SMOC2: variants seen among roughly 807,000 people sequenced by gnomAD.
The protein encoded by SMOC2 is SPARC related modular calcium binding 2.
SMOC2 carries 39 observed loss-of-function variants against 61.4 expected under a neutral mutation model. The ratio of observed to expected loss-of-function variants is 0.64; its 90% CI spans 0.49 to 0.83. The LOEUF (loss-of-function observed/expected upper bound fraction) is 0.83, where lower values mean the gene tolerates loss of function less well. Ranked by LOEUF, SMOC2 falls within the 40% of genes least tolerant of loss-of-function variation. The pLI, the probability that SMOC2 is intolerant of heterozygous loss-of-function variation, is 0.00. For missense variants in SMOC2, 556 were observed against 592.9 expected (o/e 0.94, Z 0.65); for synonymous variants, 247 against 239.9 (o/e 1.03, Z -0.27).
intron 4 of SMOC2, among the ~76,000 whole-genome samples, chr6:168,530,073 G>A (rs1783553081): frequency 6.6e-6 from 1 of 152,138 alleles, no homozygotes; most frequent in African/African-American, 2.4e-5. Flanking sequence ...TTAATACCGA[G>A]GTTACCATAG....
At position 168,650,712 on chromosome 6, in the gene SMOC2, G is replaced by A; in HGVS notation, c.939G>A (p.Leu313=). ...CGGGTGCCAAAAAGCATGAGTTTCT[G>A]ACCAGCGTTCTGGACGCGCTGTCCA... ...GCPGAKKHEF[L]TSVLDALSTD... Residue 313 remains leucine (L), a synonymous_variant, in exon 10 of 13, where the codon CTG becomes CTA. Transcript: ENST00000356284. 6.2e-7 allele frequency: 1 copy of A among 1,613,798 alleles called. No homozygotes were observed. Among genetic ancestry groups the A allele is most frequent in the Non-Finnish European group, 8.5e-7 (1 of 1,179,974 alleles).
intron 1 of SMOC2, among the ~76,000 whole-genome samples, chr6:168,450,643 G>A (rs1301569036): frequency 4.6e-5 from 7 of 152,116 alleles, no homozygotes; most frequent in African/African-American, 1.7e-4. Flanking sequence ...GCTTCCCCAG[G>A]ATGTAAAAGA....
At position 168,453,618 on chromosome 6, in the gene SMOC2, GTC is replaced by G. The variant is rs1471232599; in HGVS notation, c.84+12168_84+12169del. Among the ~76,000 whole-genome samples the G allele has an allele frequency of 2.0e-5, 3 of 150,444 alleles. No homozygotes were observed. Among genetic ancestry groups the G allele is most frequent in the Non-Finnish European group, 3.0e-5 (2 of 67,648 alleles). On this transcript the variant is annotated intron_variant, in intron 1 of 12. Transcript: ENST00000356284. The surrounding 1 kb of genome is among the most constrained non-coding windows in gnomAD (Gnocchi z 4.4). The stretch of plus-strand genomic sequence containing the variant: ...TTTCTGTCTGTCTCTGTTTCTTCCT[GTC>G]TCTGTCTCTTTGTCTCTCTCTGTCT...
intron 4 of SMOC2, among the ~76,000 whole-genome samples, chr6:168,542,837 G>C (rs1270040972): frequency 6.6e-6 from 1 of 151,768 alleles, no homozygotes. Flanking sequence ...CTGTATTTCT[G>C]TCATATGCAA....
chr6:168,482,304 A>C (rs1206507109), intron 1 of SMOC2, among the ~76,000 whole-genome samples: 3 of 152,082 alleles, frequency 2.0e-5, no homozygotes, highest in Non-Finnish European at 4.4e-5. Flanking sequence ...ATTATATGCT[A>C]ATACATAGGA....
chr6:168,464,822 A>G (rs1781793098), intron 1 of SMOC2, among the ~76,000 whole-genome samples: 1 of 152,260 alleles, frequency 6.6e-6, no homozygotes, highest in Admixed American at 6.5e-5. Context: ...AGAGGAATAA[A>G]AAAAGTGCCA....
chr6:168,460,376 T>C lies in SMOC2; in HGVS notation c.84+18922T>C, dbSNP rs547890416. 2.5e-4 allele frequency among the ~76,000 whole-genome samples: 38 copies of C among 152,316 alleles called. No individual in the cohort carries two copies. The South Asian group carries it at 6.4e-3, about 26-fold the overall frequency. On this transcript the variant is annotated intron_variant, in intron 1 of 12. Coordinates refer to ENST00000356284, the MANE Select transcript of SMOC2 (RefSeq NM_001166412.2). ...TCCACAGTGGTACTACCCAACAACT[T>C]TGGGGCCTTTTCAAGACTTTCCTCA...
intron 9 of SMOC2, among the ~76,000 whole-genome samples, chr6:168,630,207 A>G (rs1272608357): frequency 6.6e-6 from 1 of 152,210 alleles, no homozygotes; most frequent in Non-Finnish European, 1.5e-5. Context: ...TTGATTCCCT[A>G]AACTCAACAA....
At chr6:168,491,536 T>A (rs1782471605) in intron 1 of SMOC2, among the ~76,000 whole-genome samples, 1 of 152,164 alleles carries the variant, frequency 6.6e-6, no homozygotes, top group South Asian at 2.1e-4. Context: ...AGCTGTAAGA[T>A]CCTCCTGGGC....
intron 5 of SMOC2, among the ~76,000 whole-genome samples, chr6:168,545,368 A>G (rs1783969512): frequency 6.6e-6 from 1 of 152,226 alleles, no homozygotes; most frequent in South Asian, 2.1e-4. Flanking sequence ...TGGATTAAGC[A>G]ACAGAGCTGG....
At chr6:168,518,573 C>T (rs776452214) in intron 2 of SMOC2, among the ~76,000 whole-genome samples, 3 of 141,062 alleles carry the variant, frequency 2.1e-5, no homozygotes, top group Non-Finnish European at 4.6e-5. Context: ...ATGTATGTGA[C>T]AATGCATGTA....
At chr6:168,444,610 T>C (rs1781290836) in intron 1 of SMOC2, among the ~76,000 whole-genome samples, 1 of 152,222 alleles carries the variant, frequency 6.6e-6, no homozygotes, top group Admixed American at 6.5e-5. Flanking sequence ...CAATGCGCTC[T>C]TAATTTGGAT....
Position 168,608,836 on chromosome 6 carries a change from C to T in SMOC2, c.907+597C>T, listed in dbSNP as rs1228778340. Among the ~76,000 whole-genome samples, 22 of 152,156 alleles carry T rather than the reference C, an allele frequency of 1.4e-4. 1 individual carries two copies. Among genetic ancestry groups the T allele is most frequent in the Admixed American group, 1.4e-3 (21 of 15,276 alleles). On this transcript the variant is annotated intron_variant, in intron 9 of 12. Transcript: ENST00000356284. Reference sequence around the variant, plus strand: ...TACTTGCCATTTGTTTCATTTTGATCTTTTTTTCTCTAAATATCTCCAGAT... The same window carrying T: ...TACTTGCCATTTGTTTCATTTTGATTTTTTTTTCTCTAAATATCTCCAGAT...
intron 9 of SMOC2, among the ~76,000 whole-genome samples, chr6:168,625,402 G>A (rs749387192): frequency 2.6e-4 from 39 of 152,306 alleles, no homozygotes; most frequent in Admixed American, 7.8e-4. Flanking sequence ...CCAGCTCCTC[G>A]CTGTGCCGGA....
intron 2 of SMOC2, among the ~76,000 whole-genome samples, chr6:168,519,757 A>G (rs1783283682): frequency 6.6e-6 from 1 of 152,188 alleles, no homozygotes; most frequent in African/African-American, 2.4e-5. Context: ...CATTTACACA[A>G]TCATCCATTT....
chr6:168,467,088 T>C (rs1019358656), intron 1 of SMOC2, among the ~76,000 whole-genome samples: 2 of 151,464 alleles, frequency 1.3e-5, no homozygotes, highest in African/African-American at 4.9e-5. Flanking sequence ...GCAGCACTTC[T>C]GCCGTCCAGA....
At chr6:168,528,465 A>G (rs894886621) in intron 4 of SMOC2, among the ~76,000 whole-genome samples, 15 of 152,222 alleles carry the variant, frequency 9.9e-5, no homozygotes, top group Admixed American at 3.9e-4. Context: ...GCAATAATAA[A>G]CTACAAAATG....
At chr6:168,651,629 AT>A (rs1787195484) in intron 10 of SMOC2, among the ~76,000 whole-genome samples, 1 of 152,106 alleles carries the variant, frequency 6.6e-6, no homozygotes, top group Non-Finnish European at 1.5e-5. Flanking sequence ...ACTTTAGGTG[AT>A]TTTTTTGGTC....
intron 1 of SMOC2, among the ~76,000 whole-genome samples, chr6:168,476,484 G>GTGTGTGTA (rs1554282572): frequency 1.4e-4 from 13 of 91,072 alleles, no homozygotes; most frequent in Non-Finnish European, 2.3e-4. Flanking sequence ...GTGTGTGTAT[G>GTGTGTGTA]TGTGTGTGTG....
Sources: allele counts gnomAD v4.1 joint callset (sites outside exome capture counted in the v4.1 genomes callset), GRCh38; gene constraint gnomAD v4.1.1; non-coding constraint Gnocchi (gnomAD v3.1); transcripts MANE v1.5; gene names NCBI Gene and HGNC (gene_info 2026-07-23, HGNC 2026-07-21).